Variants in CAB39L observed in about 807,000 individuals in gnomAD.
The protein encoded by CAB39L is calcium binding protein 39 like, also known as calcium-binding protein 39-like.
A neutral mutation model predicts 39.1 loss-of-function variants in CAB39L; 23 were observed. The ratio of observed to expected loss-of-function variants is 0.59; its 90% CI spans 0.42 to 0.83. The LOEUF (loss-of-function observed/expected upper bound fraction) is 0.83. Among genes scored for constraint, CAB39L ranks in the 40% least tolerant of loss-of-function variants. The pLI is 0.00. For missense variants in CAB39L, 366 were observed against 391.9 expected (o/e 0.93, Z 0.56); for synonymous variants, 126 against 137.2 (o/e 0.92, Z 0.57).
intron 3 of CAB39L, among the ~76,000 whole-genome samples, chr13:49,418,536 C>A (rs999052055): frequency 6.6e-6 from 1 of 152,144 alleles, no homozygotes; most frequent in African/African-American, 2.4e-5. Context: ...TTCTAGGATA[C>A]ATTAATTCTA....
At chr13:49,435,485 T>C (rs1471066559) in intron 1 of CAB39L, among the ~76,000 whole-genome samples, 1 of 152,236 alleles carries the variant, frequency 6.6e-6, no homozygotes, top group African/African-American at 2.4e-5. Flanking sequence ...ATATTTTTCT[T>C]TGTATGACTG....
chr13:49,416,224 T>C (rs1214096963), intron 3 of CAB39L, among the ~76,000 whole-genome samples: 1 of 152,136 alleles, frequency 6.6e-6, no homozygotes, highest in Non-Finnish European at 1.5e-5. Flanking sequence ...GTTACTGGCT[T>C]TAGAAAAAGT....
At chr13:49,316,109 C>T (rs1241516469) in intron 10 of CAB39L, among the ~76,000 whole-genome samples, 3 of 151,956 alleles carry the variant, frequency 2.0e-5, no homozygotes, top group East Asian at 1.9e-4. Flanking sequence ...ATTGATAAAC[C>T]TTTAGCTAGA....
rs1957409207 is a variant in CAB39L, at chr13:49,436,137, T to G, written c.-245-1914A>C. On this transcript the variant is annotated intron_variant, in intron 1 of 10. Coordinates refer to ENST00000409308, the MANE Select transcript of CAB39L (RefSeq NM_001079670.3). Reference sequence around the variant, plus strand: ...TCCATGGCTGTTTTGCTTTGTATGTTGCTGTTTAGAAGTCTGTTGCTAACC... The same window carrying G: ...TCCATGGCTGTTTTGCTTTGTATGTGGCTGTTTAGAAGTCTGTTGCTAACC... Among the ~76,000 whole-genome samples the G allele has an allele frequency of 2.6e-5, 4 of 152,334 alleles. No individual in the cohort carries two copies. In the South Asian group the frequency reaches 6.2e-4, roughly 24 times the overall value.
chr13:49,413,098 CT>C (rs1302791302), intron 3 of CAB39L: 1 of 143,328 alleles, frequency 7.0e-6, no homozygotes, highest in African/African-American at 2.7e-5. Flanking sequence ...GCTTGTACAA[CT>C]TTTGTGAAAA....
chr13:49,399,191 G>A (rs1007804839), intron 3 of CAB39L, among the ~76,000 whole-genome samples: 1 of 152,030 alleles, frequency 6.6e-6, no homozygotes, highest in East Asian at 1.9e-4. Context: ...TACCTACTAT[G>A]TGCCACACAC....
Position 49,378,717 on chromosome 13 carries a change from G to T in CAB39L, c.112-1586C>A, listed in dbSNP as rs1323047450. 5.1e-5 allele frequency among the ~76,000 whole-genome samples: 3 copies of T among 58,330 alleles called. No individual in the cohort carries two copies. The East Asian group carries it at 9.8e-4, about 19-fold the overall frequency. The allele number at this position is 58,330 out of a possible 152,430, so 38.3% of individuals were successfully genotyped here. A position where few individuals can be genotyped will look rare whatever the true frequency, so the allele number is the denominator to read the frequency against. ...CCGCCCCGTCCGGGAGGGAGGTGGG[G>T]GTGTCGGCCCCCCGCCCGGCCAGCC... On this transcript the variant is annotated intron_variant, in intron 4 of 10. Transcript: ENST00000409308.
chr13:49,329,543 AAATATATAT>A (rs1229694613), intron 10 of CAB39L, among the ~76,000 whole-genome samples: 387 of 33,400 alleles, frequency 0.012, 14 homozygotes, highest in Non-Finnish European at 0.015. Context: ...TTAAAAAAAA[AAATATATAT>A]ATATATATAT....
intron 3 of CAB39L, among the ~76,000 whole-genome samples, chr13:49,421,390 C>T (rs991974184): frequency 1.3e-5 from 2 of 152,140 alleles, no homozygotes; most frequent in African/African-American, 4.8e-5. Context: ...TAAGAGGAGG[C>T]ACCCCAAGCT....
At position 49,332,088 on chromosome 13, in the gene CAB39L, C is replaced by A; in HGVS notation, c.693G>T (p.Leu231=). Residue 231 remains leucine (L), a splice_region_variant and synonymous_variant, in exon 10 of 11, where the codon CTG becomes CTT. Transcript: ENST00000409308. The stretch of plus-strand genomic sequence containing the variant: ...GACGGTCCAGGATCAGCTCCCCTAG[C>A]AGCTAGAGGAAAACACAAAACCAAA... The part of the protein sequence containing the change: ...NYVTKRQSLK[L]LGELILDRHN... The A allele has an allele frequency of 1.2e-6, 2 of 1,613,372 alleles. No individual in the cohort carries two copies. The highest frequency in any genetic ancestry group is 2.2e-5 in the South Asian group (2 of 90,892).
At chr13:49,420,677 T>C (rs1167216826) in intron 3 of CAB39L, among the ~76,000 whole-genome samples, 2 of 152,226 alleles carry the variant, frequency 1.3e-5, no homozygotes, top group African/African-American at 4.8e-5. Flanking sequence ...TTATGTTTAT[T>C]ATATAAAATG....
At chr13:49,443,577 G>C (rs1957585594) in intron 1 of CAB39L, among the ~76,000 whole-genome samples, 1 of 152,148 alleles carries the variant, frequency 6.6e-6, no homozygotes, top group African/African-American at 2.4e-5. Flanking sequence ...TTCTCAATCA[G>C]GCAGTTCATC....
chr13:49,315,992 T>C (rs145073146), intron 10 of CAB39L, among the ~76,000 whole-genome samples: 32 of 150,064 alleles, frequency 2.1e-4, no homozygotes, highest in African/African-American at 5.9e-4. Context: ...CAAAGCAACA[T>C]AAGGAAGGAA....
chr13:49,357,144 C>T (rs1237583701), intron 6 of CAB39L, among the ~76,000 whole-genome samples: 1 of 152,170 alleles, frequency 6.6e-6, no homozygotes, highest in East Asian at 1.9e-4. Context: ...TTCCCGCTCC[C>T]TTCACATTTG....
intron 3 of CAB39L, among the ~76,000 whole-genome samples, chr13:49,416,559 A>G (rs1957087867): frequency 6.6e-6 from 1 of 152,148 alleles, no homozygotes; most frequent in Admixed American, 6.6e-5. Flanking sequence ...CTTCCCCTGG[A>G]CCTGTAGGCA....
intron 1 of CAB39L, among the ~76,000 whole-genome samples, chr13:49,440,656 C>T (rs867416803): frequency 6.6e-6 from 1 of 151,150 alleles, no homozygotes; most frequent in Non-Finnish European, 1.5e-5. Context: ...TTTCTTTCAG[C>T]AGTGTCTTGT....
At chr13:49,379,954 G>T (rs1157918761) in intron 4 of CAB39L, among the ~76,000 whole-genome samples, 3 of 151,144 alleles carry the variant, frequency 2.0e-5, no homozygotes, top group Non-Finnish European at 4.4e-5. Context: ...TCATTCTCCT[G>T]CCTCAGCCTC....
chr13:49,397,264 C>T (rs7330939), intron 3 of CAB39L, among the ~76,000 whole-genome samples: 104,774 of 151,950 alleles, frequency 0.69, 36,719 homozygotes, highest in Middle Eastern at 0.86. Context: ...CTTTCACTGA[C>T]AATCCCTTTT....
intron 9 of CAB39L, among the ~76,000 whole-genome samples, chr13:49,337,576 G>A (rs1169811199): frequency 6.6e-6 from 1 of 152,094 alleles, no homozygotes; most frequent in East Asian, 1.9e-4. Flanking sequence ...GTTAATAGGT[G>A]CATAACCTCA....
Sources: allele counts gnomAD v4.1 joint callset (sites outside exome capture counted in the v4.1 genomes callset), GRCh38; gene constraint gnomAD v4.1.1; transcripts MANE v1.5; gene names NCBI Gene and HGNC (gene_info 2026-07-23, HGNC 2026-07-21).